Variants in MPP7 observed in about 807,000 individuals in gnomAD.
MPP7 encodes MAGUK p55 scaffold protein 7.
Under a neutral mutation model 76.5 loss-of-function variants are expected in MPP7, and 60 were observed. The observed-to-expected ratio is 0.78, with a 90% CI of 0.64 to 0.97. The LOEUF (loss-of-function observed/expected upper bound fraction) is 0.97. Ranked by LOEUF, MPP7 falls within the 50% of genes least tolerant of loss-of-function variation. MPP7 has a pLI of 0.00. For synonymous variants in MPP7, 237 were observed against 244.5 expected (o/e 0.97, Z 0.29); for missense variants, 641 against 694.0 (o/e 0.92, Z 0.86).
intron 2 of MPP7, among the ~76,000 whole-genome samples, chr10:28,321,498 G>GGAGTCAAACTGGTCTGCCTCATGTCA (rs1289366892): frequency 1.3e-5 from 2 of 152,280 alleles, no homozygotes; most frequent in Admixed American, 1.3e-4. Context: ...GGCAGAGCTG[G>GGAGTCAAACTGGTCTGCCTCATGTCA]GAGTCAAACT....
chr10:28,062,923 C>T (rs941055828), intron 13 of MPP7, among the ~76,000 whole-genome samples: 1 of 151,954 alleles, frequency 6.6e-6, no homozygotes, highest in African/African-American at 2.4e-5. Context: ...GTCTTTGCAA[C>T]CTTGAGATAG....
intron 2 of MPP7, among the ~76,000 whole-genome samples, chr10:28,226,189 C>T (rs1838683144): frequency 6.6e-6 from 1 of 151,626 alleles, no homozygotes; most frequent in African/African-American, 2.4e-5. Flanking sequence ...CTAAAATAGA[C>T]AAATTCTAGA....
intron 11 of MPP7, among the ~76,000 whole-genome samples, chr10:28,109,850 A>AAAAAAAAAAAAG (rs1834441091): frequency 1.6e-5 from 2 of 127,436 alleles, no homozygotes; most frequent in African/African-American, 6.9e-5. Context: ...CGCAGACGCA[A>AAAAAAAAAAAAG]AAAAAAAAAA....
At chr10:28,317,602 T>C (rs1016593232) in intron 2 of MPP7, among the ~76,000 whole-genome samples, 3 of 152,202 alleles carry the variant, frequency 2.0e-5, no homozygotes, top group Non-Finnish European at 2.9e-5. Context: ...TCAGCTCTCC[T>C]GACTTCTAAC....
rs574815067 is a variant in MPP7, at chr10:28,263,302, T to G, written c.-131-24567A>C. On this transcript the variant is annotated intron_variant, in intron 1 of 16. Coordinates refer to ENST00000683449, the MANE Select transcript of MPP7 (RefSeq NM_001318170.2). Reference sequence around the variant, plus strand: ...AATTTAAGAAATGAGGAATGTGACCTGATGGGCCTGGGGAGGGTAAAGTCA... The same window carrying G: ...AATTTAAGAAATGAGGAATGTGACCGGATGGGCCTGGGGAGGGTAAAGTCA... Among the ~76,000 whole-genome samples the G allele has an allele frequency of 1.4e-4, 21 of 152,276 alleles. No homozygotes were observed. The South Asian group carries it at 4.3e-3, about 32-fold the overall frequency.
At chr10:28,264,554 C>T (rs972810181) in intron 1 of MPP7, among the ~76,000 whole-genome samples, 7 of 151,156 alleles carry the variant, frequency 4.6e-5, no homozygotes, top group African/African-American at 1.7e-4. Context: ...ACACAGACAC[C>T]AGCCCTGGCC....
intron 12 of MPP7, among the ~76,000 whole-genome samples, chr10:28,079,740 G>T (rs1245271269): frequency 6.6e-6 from 1 of 152,136 alleles, no homozygotes; most frequent in Non-Finnish European, 1.5e-5. Flanking sequence ...CTGAGCGAAT[G>T]AATAAACATT....
chr10:28,204,317 C>A (rs1010024806), intron 2 of MPP7, among the ~76,000 whole-genome samples: 4 of 151,900 alleles, frequency 2.6e-5, no homozygotes, highest in African/African-American at 9.7e-5. Flanking sequence ...GTGGCACACA[C>A]CTGTAATTTC....
rs1256958491 is a variant in MPP7, at chr10:28,189,591, A to C, written c.156+12562T>G. ...GTCTCAAAAAAAAAAAAAAAAAAAA[A>C]AAAAAAAACCTGTATTTGTTGTAAA... On this transcript the variant is annotated intron_variant, in intron 3 of 16. Coordinates refer to ENST00000683449, the MANE Select transcript of MPP7 (RefSeq NM_001318170.2). 3.3e-5 allele frequency among the ~76,000 whole-genome samples: 5 copies of C among 150,184 alleles called. No homozygotes were observed. The South Asian group carries it at 8.3e-4, about 25-fold the overall frequency.
intron 2 of MPP7, among the ~76,000 whole-genome samples, chr10:28,226,237 G>A (rs1838685395): frequency 1.3e-5 from 2 of 151,446 alleles, no homozygotes; most frequent in South Asian, 4.2e-4. Flanking sequence ...GGGCTGGAGG[G>A]AGAGGGACAG....
chr10:28,103,439 T>C (rs1853929205), intron 11 of MPP7, among the ~76,000 whole-genome samples: 1 of 152,176 alleles, frequency 6.6e-6, no homozygotes, highest in Admixed American at 6.5e-5. Flanking sequence ...GTACCACTGC[T>C]TGGAATGCTT....
In MPP7 at chr10:28,108,462, C is replaced by A. The variant is rs144154159; in HGVS notation, c.952+11189G>T. Among the ~76,000 whole-genome samples, 500 of 152,086 alleles carry A rather than the reference C, an allele frequency of 3.3e-3. 1 individual carries two copies. The highest frequency in any genetic ancestry group is 0.01 in the Middle Eastern group (3 of 294). On this transcript the variant is annotated intron_variant, in intron 11 of 16. Transcript: ENST00000683449. ...TAGAGCTCAGGAGTTTGAGACCAGCCTGGGCAACATGGTGAAACCTCATCT... is the reference window on the plus strand; with the variant it reads ...TAGAGCTCAGGAGTTTGAGACCAGCATGGGCAACATGGTGAAACCTCATCT...
intron 5 of MPP7, among the ~76,000 whole-genome samples, chr10:28,139,384 T>C (rs1421529958): frequency 6.6e-6 from 1 of 152,200 alleles, no homozygotes; most frequent in African/African-American, 2.4e-5. Context: ...TATGAGAAGT[T>C]TGCTGTTTAC....
At chr10:28,108,302 T>C (rs143370552) in intron 11 of MPP7, among the ~76,000 whole-genome samples, 55 of 152,342 alleles carry the variant, frequency 3.6e-4, no homozygotes, top group Admixed American at 2.2e-3. Context: ...AACCAGGAGA[T>C]ATTATCATCA....
chr10:28,288,682 C>T (rs999556328), intron 1 of MPP7, among the ~76,000 whole-genome samples: 8 of 152,178 alleles, frequency 5.3e-5, no homozygotes, highest in African/African-American at 1.9e-4. Context: ...TGAAGCGGTA[C>T]TGAAACAAGT....
chr10:28,258,382 T>TTATATATATA (rs59151395), intron 1 of MPP7, among the ~76,000 whole-genome samples: 19 of 141,262 alleles, frequency 1.3e-4, no homozygotes, highest in Non-Finnish European at 1.7e-4. Context: ...ATATTAAATA[T>TTATATATATA]TATATATATA....
At chr10:28,076,328 T>C (rs1852481453) in intron 12 of MPP7, among the ~76,000 whole-genome samples, 1 of 152,164 alleles carries the variant, frequency 6.6e-6, no homozygotes, top group African/African-American at 2.4e-5. Context: ...AAGACATAAG[T>C]GCTTATTGGT....
chr10:28,319,390 A>C (rs1834347350), intron 2 of MPP7, among the ~76,000 whole-genome samples: 1 of 152,154 alleles, frequency 6.6e-6, no homozygotes, highest in Admixed American at 6.5e-5. Flanking sequence ...CTAGATGGGA[A>C]TTTTAGGCTG....
chr10:28,134,789 G>A (rs1285825816), intron 5 of MPP7, among the ~76,000 whole-genome samples: 1 of 151,428 alleles, frequency 6.6e-6, no homozygotes, highest in African/African-American at 2.4e-5. Flanking sequence ...AGTACTCAGA[G>A]CAAAAAAAGA....
Sources: gnomAD v4.1 joint callset for allele counts (sites outside exome capture counted in the v4.1 genomes callset) on GRCh38, gnomAD v4.1.1 for gene constraint, MANE v1.5 for transcripts, NCBI Gene and HGNC (gene_info 2026-07-23, HGNC 2026-07-21) for gene names.